PKHD1L1: variants seen among roughly 807,000 people sequenced by gnomAD.
PKHD1L1 encodes fibrocystin-L.
Under a neutral mutation model 462.9 loss-of-function variants are expected in PKHD1L1, and 434 were observed. That is an observed-to-expected ratio of 0.94 (90% confidence interval 0.87 to 1.02). The LOEUF is 1.02. PKHD1L1 is among the 50% of genes least tolerant of loss of function. The pLI is 0.00. For missense variants in PKHD1L1, 5,202 were observed against 5,096.1 expected, an observed-to-expected ratio of 1.02 and a Z score of -0.63; for synonymous variants, 1,781 against 1,750.0, an observed-to-expected ratio of 1.02 and a Z score of -0.44.
chr8:109,443,305 C>G (rs1009203510), intron 36 of PKHD1L1, among the ~76,000 whole-genome samples, 189 bp downstream of exon 36: 5 of 152,164 alleles, frequency 3.3e-5, no homozygotes, highest in African/African-American at 1.2e-4. Context: ...TAATGTCTTC[C>G]TACCAGTCTT....
At chr8:109,448,538 G>C in intron 39 of PKHD1L1, 147 bp downstream of exon 39, 1 of 989,028 alleles carries the variant, frequency 1.0e-6, no homozygotes, top group Non-Finnish European at 1.4e-6. Context: ...TTGAGACAGA[G>C]TCTCGCTCGG....
rs1164191049 is a variant in PKHD1L1 at position 109,472,383 on chromosome 8, GC to G, written c.8606-2734del. 6.6e-5 allele frequency among the ~76,000 whole-genome samples: 10 copies of G among 152,194 alleles called. No individual in the cohort carries two copies. The East Asian group carries it at 1.9e-3, about 29-fold the overall frequency. On this transcript the variant is annotated intron_variant, in intron 50 of 77. Transcript: ENST00000378402. ...GTGGTGGTGAGGATTTTAGAAAGGA[GC>G]TTTTGTTTGCTTATTTGTCTATATT...
chr8:109,436,447 C>G lies in PKHD1L1; in HGVS notation c.3615C>G (p.Cys1205Trp). The G allele has an allele frequency of 6.2e-7, 1 of 1,612,156 alleles. No homozygotes were observed. Among genetic ancestry groups the G allele is most frequent in the Non-Finnish European group, 8.5e-7 (1 of 1,179,390 alleles). The change falls in exon 30 of 78, where the codon TGC becomes TGG. Residue 1205 changes from cysteine (C) to tryptophan (W), a missense_variant. Physicochemically the swap from Cys to Trp is radical, Grantham distance 215. This residue lies in a region of PKHD1L1 where 4,497 missense variants were observed against 4,336.8 expected (regional missense o/e 1.04). Transcript: ENST00000378402. Reference protein sequence around the residue: ...VIEGDLNRITCRTPKKTEGTV... With the variant: ...VIEGDLNRITWRTPKKTEGTV... ...AAGGGGATTTGAATAGGATAACCTGCAGGACACCAAAAGTAAGGCCTCTGA... is the reference window on the plus strand; with the variant it reads ...AAGGGGATTTGAATAGGATAACCTGGAGGACACCAAAAGTAAGGCCTCTGA...
Position 109,504,451 on chromosome 8 carries a change from C to T in PKHD1L1, c.10953C>T (p.Thr3651=), listed in dbSNP as rs1228016186. ...IHVKNIKLVD[T]TEQSKIFIHR... Reference sequence around the variant, plus strand: ...TGAAGAATATAAAACTGGTTGATACCACTGAACAATCAAAAATATTTATAC... The same window carrying T: ...TGAAGAATATAAAACTGGTTGATACTACTGAACAATCAAAAATATTTATAC... The change falls in exon 68 of 78, where the codon ACC becomes ACT. Residue 3651 remains threonine (T), a synonymous_variant. Coordinates refer to ENST00000378402, the MANE Select transcript of PKHD1L1 (RefSeq NM_177531.6). 1 of 1,546,814 alleles carries T rather than the reference C, an allele frequency of 6.5e-7. No individual in the cohort carries two copies. The highest frequency in any genetic ancestry group is 8.7e-7 in the Non-Finnish European group (1 of 1,143,512).
chr8:109,507,292 G>T (rs891595827), intron 68 of PKHD1L1, among the ~76,000 whole-genome samples: 1 of 152,140 alleles, frequency 6.6e-6, no homozygotes, highest in Admixed American at 6.6e-5. Context: ...AATTTTATAT[G>T]TCCTGTATAA....
Position 109,362,533 on chromosome 8 carries a change from G to T in PKHD1L1, c.-48G>T. 1 of 1,526,910 alleles carries T rather than the reference G, an allele frequency of 6.5e-7. No homozygotes were observed. Among genetic ancestry groups the T allele is most frequent in the South Asian group, 1.2e-5 (1 of 83,916 alleles). 94.6% of individuals were successfully genotyped at this position (1,526,910 alleles called of 1,614,324 possible). A position where few individuals can be genotyped will look rare whatever the true frequency, so the allele number is the denominator to read the frequency against. On this transcript the variant is annotated 5_prime_UTR_variant, in exon 1 of 78. Coordinates refer to ENST00000378402, the MANE Select transcript of PKHD1L1 (RefSeq NM_177531.6). ...TCCCAGGAGCCGAGCTCCAGCACTA[G>T]AGCCAGCTGCGAGCGGAGGGCACCA... is the stretch of plus-strand genomic sequence containing the variant.
At chr8:109,387,589 C>T (rs556275361) in intron 6 of PKHD1L1, among the ~76,000 whole-genome samples, 1 of 152,200 alleles carries the variant, frequency 6.6e-6, no homozygotes, top group South Asian at 2.1e-4. Context: ...GTGTTAGCTC[C>T]TAAATTTATT....
chr8:109,382,981 A>G (rs1349747153), intron 4 of PKHD1L1, among the ~76,000 whole-genome samples: 1 of 146,344 alleles, frequency 6.8e-6, no homozygotes, highest in African/African-American at 2.5e-5. Context: ...TAGCTGCCCT[A>G]AATAGAAGTA....
At chr8:109,528,850 C>T (rs1673389) in intron 77 of PKHD1L1, among the ~76,000 whole-genome samples, 8 of 151,848 alleles carry the variant, frequency 5.3e-5, no homozygotes, top group Admixed American at 1.3e-4. Flanking sequence ...GTGAAAGTTG[C>T]GTCTTTACCT....
At position 109,364,866 on chromosome 8, in the gene PKHD1L1, C is replaced by T. The variant is rs1490335598; in HGVS notation, c.163+230C>T. 2.6e-5 allele frequency among the ~76,000 whole-genome samples: 4 copies of T among 152,114 alleles called. No homozygotes were observed. The East Asian group carries it at 5.8e-4, about 22-fold the overall frequency. ...ATACTGACTTGCTTAACATCAAGAT[C>T]TGGATTAATGACTGAACTAAAAGGA... is the stretch of plus-strand genomic sequence containing the variant. On this transcript the variant is annotated intron_variant, in intron 2 of 77. Coordinates refer to ENST00000378402, the MANE Select transcript of PKHD1L1 (RefSeq NM_177531.6).
chr8:109,362,660 C>T lies in PKHD1L1; in HGVS notation c.73+7C>T. The T allele has an allele frequency of 6.3e-7, 1 of 1,595,842 alleles. No individual in the cohort carries two copies. The highest frequency in any genetic ancestry group is 8.5e-7 in the Non-Finnish European group (1 of 1,171,014). Reference sequence around the variant, plus strand: ...GCCGCGGATCCCAGCACAGGTAACCCTTTGGGCACGCTAGGCAGGCAAGCA... The same window carrying T: ...GCCGCGGATCCCAGCACAGGTAACCTTTTGGGCACGCTAGGCAGGCAAGCA... On this transcript the variant is annotated splice_region_variant and intron_variant, in intron 1 of 77. Coordinates refer to ENST00000378402, the MANE Select transcript of PKHD1L1 (RefSeq NM_177531.6).
chr8:109,444,123 C>A (rs868655774), intron 37 of PKHD1L1, among the ~76,000 whole-genome samples: 1 of 65,936 alleles, frequency 1.5e-5, no homozygotes, highest in Non-Finnish European at 3.2e-5. Flanking sequence ...CCTCCCCCCC[C>A]CAAAAAAAAC....
At chr8:109,523,032 A>G in intron 75 of PKHD1L1, 142 bp downstream of exon 75, 1 of 1,064,036 alleles carries the variant, frequency 9.4e-7, no homozygotes, top group Non-Finnish European at 1.3e-6. Context: ...ATCCAAGGAT[A>G]CCATCTTGTA....
Position 109,396,065 on chromosome 8 carries a change from G to T in PKHD1L1, c.850G>T (p.Gly284Cys), listed in dbSNP as rs1420700738. The T allele has an allele frequency of 6.2e-7, 1 of 1,608,056 alleles. No homozygotes were observed. Among genetic ancestry groups the T allele is most frequent in the Non-Finnish European group, 8.5e-7 (1 of 1,177,460 alleles). Residue 284 changes from glycine (G) to cysteine (C), a missense_variant, in exon 11 of 78, where the codon GGT (glycine) becomes TGT (cysteine). This residue lies in a region of PKHD1L1 where 4,497 missense variants were observed against 4,336.8 expected (regional missense o/e 1.04). Transcript: ENST00000378402. ...TTTCCCTTCACAAGGAAGCATTCGAGGTGGCACCACGCTGACAATAAGTGG... is the reference window on the plus strand; with the variant it reads ...TTTCCCTTCACAAGGAAGCATTCGATGTGGCACCACGCTGACAATAAGTGG... The part of the protein sequence containing the change: ...MIFPSQGSIR[G>C]GTTLTISGRF...
intron 49 of PKHD1L1, 74 bp from the exon 50 acceptor site, chr8:109,466,504 T>C (rs1586573607): frequency 1.4e-6 from 2 of 1,388,478 alleles, no homozygotes; most frequent in East Asian, 2.5e-5. Context: ...TGGGTCACAA[T>C]TCTGTATATT....
Position 109,531,883 on chromosome 8 carries a change from A to G in PKHD1L1, c.*1793A>G, listed in dbSNP as rs1203665323. Among the ~76,000 whole-genome samples, 2 of 152,160 alleles carry G rather than the reference A, an allele frequency of 1.3e-5. No individual in the cohort carries two copies. Among genetic ancestry groups the G allele is most frequent in the Non-Finnish European group, 2.9e-5 (2 of 68,028 alleles). On this transcript the variant is annotated 3_prime_UTR_variant, in exon 78 of 78. Coordinates refer to ENST00000378402, the MANE Select transcript of PKHD1L1 (RefSeq NM_177531.6). ...ATAGGGAGGGGGAAAGAGACCCAAC[A>G]TGGGCCATTTCACGCTGAGACTTAA... is the stretch of plus-strand genomic sequence containing the variant.
chr8:109,492,021 C>T (rs1343060026), intron 62 of PKHD1L1, 27 bp downstream of exon 62: 1 of 1,411,574 alleles, frequency 7.1e-7, no homozygotes, highest in South Asian at 1.5e-5. Flanking sequence ...TATAATTATA[C>T]TAATTTATAA....
At chr8:109,440,570 A>G in intron 32 of PKHD1L1, 140 bp from the exon 33 acceptor site, 1 of 621,514 alleles carries the variant, frequency 1.6e-6, no homozygotes. Flanking sequence ...GATAATTGCC[A>G]GATTGTCTAT....
intron 50 of PKHD1L1, chr8:109,471,135 T>A: frequency 7.2e-7 from 1 of 1,385,730 alleles, no homozygotes; most frequent in East Asian, 2.3e-5. Context: ...AGCAGACATT[T>A]ACCTTTGTAT....
Sources: gnomAD v4.1 joint callset for allele counts (sites outside exome capture counted in the v4.1 genomes callset) on GRCh38, gnomAD v4.1.1 for gene constraint, gnomAD v4.1.1 regional missense constraint, MANE v1.5 for transcripts, NCBI Gene and HGNC (gene_info 2026-07-23, HGNC 2026-07-21) for gene names.